The following APBB2 variants were observed in gnomAD, a reference collection of about 807,000 sequenced individuals.
APBB2 encodes the protein Fe65-like 1.
Under a neutral mutation model 82.5 loss-of-function variants are expected in APBB2, and 38 were observed. The observed-to-expected ratio is 0.46, with a 90% CI of 0.36 to 0.60. APBB2 has a LOEUF of 0.60. Ranked by LOEUF, APBB2 falls within the 20% of genes least tolerant of loss-of-function variation. The pLI, the probability that APBB2 is intolerant of heterozygous loss-of-function variation, is 0.00. For synonymous variants in APBB2, 341 were observed against 368.2 expected, an observed-to-expected ratio of 0.93 and a Z score of 0.85; for missense variants, 772 against 972.3, an observed-to-expected ratio of 0.79 and a Z score of 2.74.
chr4:40,988,637 C>CA (rs1310590730), intron 6 of APBB2, among the ~76,000 whole-genome samples: 6,040 of 30,178 alleles, frequency 0.2, 607 homozygotes, highest in Non-Finnish European at 0.24. Flanking sequence ...GACTCCGTCT[C>CA]AAAAAAAAAA....
intron 4 of APBB2, among the ~76,000 whole-genome samples, chr4:41,049,576 G>A (rs1273202897): frequency 4.2e-4 from 64 of 150,974 alleles, no homozygotes; most frequent in African/African-American, 1.6e-3. Flanking sequence ...CTGCCCAACC[G>A]CCCCTTCTGG....
At chr4:41,181,288 T>C (rs566954727) in intron 1 of APBB2, among the ~76,000 whole-genome samples, 28 of 152,346 alleles carry the variant, frequency 1.8e-4, no homozygotes, top group Middle Eastern at 6.8e-3. Context: ...TGTTTCACGC[T>C]ACTCTTTCGG....
chr4:41,151,003 G>C (rs1043772822), intron 1 of APBB2, among the ~76,000 whole-genome samples: 15 of 152,084 alleles, frequency 9.9e-5, no homozygotes, highest in Non-Finnish European at 5.9e-5. Context: ...CTCTCAAAGC[G>C]CTGGCCCAGA....
chr4:40,830,090 T>C (rs1298084433), intron 13 of APBB2, among the ~76,000 whole-genome samples: 1 of 152,202 alleles, frequency 6.6e-6, no homozygotes, highest in African/African-American at 2.4e-5. Flanking sequence ...CTGAGATATA[T>C]ACATTTCTAG....
chr4:41,192,008 G>T (rs1288386567), intron 1 of APBB2, among the ~76,000 whole-genome samples: 1 of 152,030 alleles, frequency 6.6e-6, no homozygotes, highest in East Asian at 1.9e-4. Context: ...ACATAAAAAT[G>T]GCCAACAGAT....
At chr4:40,915,710 A>G (rs1018197857) in intron 10 of APBB2, among the ~76,000 whole-genome samples, 1 of 152,042 alleles carries the variant, frequency 6.6e-6, no homozygotes, top group Non-Finnish European at 1.5e-5. Flanking sequence ...TCCCAACCCC[A>G]GAGAGAAGAT....
intron 2 of APBB2, among the ~76,000 whole-genome samples, chr4:41,105,104 T>C (rs1746716690): frequency 6.6e-6 from 1 of 152,216 alleles, no homozygotes; most frequent in South Asian, 2.1e-4. Flanking sequence ...AGTGGTTGTA[T>C]GTGTAGGAGA....
intron 4 of APBB2, among the ~76,000 whole-genome samples, chr4:41,048,140 AAC>A (rs1311397516): frequency 6.6e-5 from 10 of 152,242 alleles, no homozygotes; most frequent in African/African-American, 1.2e-4. Context: ...TCTTAATGAT[AAC>A]ACCAGTTGAG....
intron 6 of APBB2, among the ~76,000 whole-genome samples, chr4:40,993,113 T>A (rs1802598863): frequency 6.6e-6 from 1 of 152,222 alleles, no homozygotes; most frequent in African/African-American, 2.4e-5. Context: ...TTGTTTCAGT[T>A]AATCATCACA....
intron 6 of APBB2, among the ~76,000 whole-genome samples, chr4:40,976,622 A>T (rs1797231685): frequency 6.6e-6 from 1 of 152,224 alleles, no homozygotes. Context: ...GGAGCCTCTG[A>T]CCACTAATGT....
At position 41,088,296 on chromosome 4, in the gene APBB2, A is replaced by G. The variant is rs77378580; in HGVS notation, c.-149+12343T>C. Among the ~76,000 whole-genome samples the G allele has an allele frequency of 1.9e-3, 287 of 152,304 alleles. 1 individual carries two copies. Among genetic ancestry groups the G allele is most frequent in the African/African-American group, 6.4e-3 (267 of 41,546 alleles). On this transcript the variant is annotated intron_variant, in intron 3 of 17. Transcript: ENST00000508593. ...TTAGTCTGTTGGTGAAAAGGTCACC[A>G]CAAAGTGGTTTCTCAAAGACTCTTG...
intron 6 of APBB2, among the ~76,000 whole-genome samples, chr4:41,008,888 ATCT>A (rs1676678895): frequency 6.6e-6 from 1 of 152,234 alleles, no homozygotes; most frequent in African/African-American, 2.4e-5. Flanking sequence ...TGCCACACCC[ATCT>A]AGACTTGGGA....
intron 12 of APBB2, among the ~76,000 whole-genome samples, chr4:40,833,287 A>G (rs1752695270): frequency 6.6e-6 from 1 of 152,202 alleles, no homozygotes; most frequent in Non-Finnish European, 1.5e-5. Context: ...GGATTTTAAG[A>G]GTTCCAAAAT....
intron 12 of APBB2, chr4:40,881,534 C>CTTTTTTTTTTTTTTTTTTTTTTTT (rs71198611): frequency 2.8e-5 from 4 of 145,072 alleles, no homozygotes; most frequent in African/African-American, 6.0e-5. Flanking sequence ...TTTTCTTTTT[C>CTTTTTTTTTTTTTTTTTTTTTTTT]TTTTTTTTTT....
chr4:41,004,836 C>CCAAA, intron 6 of APBB2, among the ~76,000 whole-genome samples: 1 of 49,258 alleles, frequency 2.0e-5, no homozygotes, highest in Non-Finnish European at 3.4e-5. Flanking sequence ...GACCCCATCT[C>CCAAA]AAAAAAAAAA....
In APBB2 at chr4:40,827,192, C is replaced by T. The variant is rs1750230444; in HGVS notation, c.1672G>A (p.Ala558Thr). Residue 558 changes from alanine to threonine, a missense_variant, in exon 14 of 18, where the codon GCG becomes ACG. Physicochemically the swap from Ala to Thr is moderately conservative, Grantham distance 58. Transcript: ENST00000508593. ...TCCTGTAAGGAGCTGCAGGCCAGCGCTTTGGCATTCTTCCGTTCAGCCATA... is the reference window on the plus strand; with the variant it reads ...TCCTGTAAGGAGCTGCAGGCCAGCGTTTTGGCATTCTTCCGTTCAGCCATA... ...KIMAERKNAKALACSSLQERA... is the reference protein window; with the variant it reads ...KIMAERKNAKTLACSSLQERA... The T allele has an allele frequency of 6.2e-7, 1 of 1,614,210 alleles. No homozygotes were observed.
chr4:41,015,186 A>C (rs1455331102), intron 5 of APBB2, among the ~76,000 whole-genome samples: 2 of 151,910 alleles, frequency 1.3e-5, no homozygotes, highest in East Asian at 3.9e-4. Context: ...CCTCTGCAGA[A>C]CTCCTAGGAA....
chr4:41,079,124 G>A (rs1736646015), intron 3 of APBB2, among the ~76,000 whole-genome samples: 1 of 152,188 alleles, frequency 6.6e-6, no homozygotes, highest in South Asian at 2.1e-4. Context: ...GAGATGGTCA[G>A]CACGAACACT....
intron 7 of APBB2, 165 bp from the exon 8 acceptor site, chr4:40,935,304 T>C: frequency 3.4e-6 from 2 of 581,212 alleles, no homozygotes; most frequent in South Asian, 2.3e-5. Context: ...ACTCCCTCTA[T>C]GTCTAGATTA....
Sources: allele counts gnomAD v4.1 joint callset (sites outside exome capture counted in the v4.1 genomes callset), GRCh38; gene constraint gnomAD v4.1.1; transcripts MANE v1.5; gene names NCBI Gene and HGNC (gene_info 2026-07-23, HGNC 2026-07-21).